The following SASH1 variants were observed in gnomAD, a reference collection of about 807,000 sequenced individuals.
SASH1 encodes SAM and SH3 domain containing 1, also known as SAM and SH3 domain-containing protein 1.
SASH1 carries 44 observed loss-of-function variants against 125.2 expected under a neutral mutation model. The observed-to-expected ratio is 0.35, with a 90% CI of 0.28 to 0.45. The LOEUF is 0.45. SASH1 is among the 20% of genes least tolerant of loss of function. The pLI, the probability that SASH1 is intolerant of heterozygous loss-of-function variation, is 1.00. For synonymous variants in SASH1, 639 were observed against 649.1 expected (o/e 0.98, Z 0.24); for missense variants, 1,426 against 1,614.5 (o/e 0.88, Z 2.00).
intron 1 of SASH1, among the ~76,000 whole-genome samples, chr6:148,388,559 A>G (rs750595021): frequency 4.6e-5 from 7 of 152,222 alleles, no homozygotes; most frequent in Non-Finnish European, 1.0e-4. Context: ...AATGCAGAAC[A>G]TGTTATTGGT....
intron 8 of SASH1, chr6:148,508,557 G>T: frequency 9.5e-7 from 1 of 1,055,346 alleles, no homozygotes; most frequent in Non-Finnish European, 1.1e-6. Context: ...GTGGTGAATA[G>T]GAGATTTGCT....
intron 2 of SASH1, among the ~76,000 whole-genome samples, chr6:148,436,097 C>T (rs913854221): frequency 1.5e-4 from 23 of 152,296 alleles, no homozygotes; most frequent in African/African-American, 4.1e-4. Context: ...CTGGCCACAG[C>T]GATGTCTGCC....
At chr6:148,484,337 G>GAC (rs34073959) in intron 7 of SASH1, among the ~76,000 whole-genome samples, 32,737 of 151,620 alleles carry the variant, frequency 0.22, 4,089 homozygotes, top group African/African-American at 0.36. Context: ...TTTTGCTTAA[G>GAC]ACACACACAC....
At chr6:148,283,900 G>A (rs1479642493) in intron 1 of SASH1, among the ~76,000 whole-genome samples, 1 of 151,130 alleles carries the variant, frequency 6.6e-6, no homozygotes, top group Admixed American at 6.6e-5. Context: ...ACACTGAATT[G>A]TTTAGGGGGA....
At chr6:148,388,994 T>C (rs1056192031) in intron 1 of SASH1, among the ~76,000 whole-genome samples, 1 of 152,076 alleles carries the variant, frequency 6.6e-6, no homozygotes, top group Non-Finnish European at 1.5e-5. Context: ...GGAGAGGTCT[T>C]TCTGAATGAA....
chr6:148,519,458 T>G lies in SASH1; in HGVS notation c.863-89T>G. 1.1e-6 allele frequency: 1 copy of G among 924,558 alleles called. No individual in the cohort carries two copies. The highest frequency in any genetic ancestry group is 1.7e-6 in the Non-Finnish European group (1 of 596,306). The allele number at this position is 924,558 out of a possible 1,614,324, so 57.3% of individuals were successfully genotyped here. On this transcript the variant is annotated intron_variant, in intron 9 of 19. Transcript: ENST00000367467. This position sits in a 1 kb window ranked among gnomAD's most constrained non-coding sequence, Gnocchi z 4.8. The stretch of plus-strand genomic sequence containing the variant: ...GGAGCTGGGTTTATAAAGAGGGTCA[T>G]GATACGGAGAAAGGTGGTGAATGTA...
At chr6:148,222,753 G>GT in the SASH1 span, among the ~76,000 whole-genome samples, 17 of 150,042 alleles carry the variant, frequency 1.1e-4, no homozygotes, top group African/African-American at 3.0e-4. Flanking sequence ...TGTGTTTTAG[G>GT]TTTTTTCCCC....
chr6:148,514,703 GGGAAATGGAAATTTTCTCGA>G (rs138315741), intron 9 of SASH1, among the ~76,000 whole-genome samples: 9,130 of 152,060 alleles, frequency 0.06, 416 homozygotes, highest in East Asian at 0.24. Flanking sequence ...TTTAAAAGAT[GGGAAATGGAAATTTTCTCGA>G]GGTGTAGTAT....
chr6:148,271,471 C>T (rs954504782), upstream of SASH1, among the ~76,000 whole-genome samples: 3 of 152,174 alleles, frequency 2.0e-5, no homozygotes, highest in Non-Finnish European at 4.4e-5. Context: ...CCTAAACTTA[C>T]TTGTGTAGGG....
chr6:148,424,968 A>G (rs973515568), intron 2 of SASH1, among the ~76,000 whole-genome samples: 1 of 152,148 alleles, frequency 6.6e-6, no homozygotes, highest in African/African-American at 2.4e-5. Context: ...AAGTTTGAGA[A>G]CCGCTGACAG....
At chr6:148,216,447 T>A in the SASH1 span, among the ~76,000 whole-genome samples, 3 of 152,206 alleles carry the variant, frequency 2.0e-5, no homozygotes, top group African/African-American at 7.2e-5. Flanking sequence ...GGGAAAAACA[T>A]GAAGCATATT....
chr6:148,530,014 C>T (rs564402813), intron 12 of SASH1, among the ~76,000 whole-genome samples: 1 of 152,160 alleles, frequency 6.6e-6, no homozygotes, highest in Non-Finnish European at 1.5e-5. Context: ...ACTACGTTGG[C>T]CAGGCTGGTC....
chr6:148,442,935 G>A (rs781751907), intron 4 of SASH1, among the ~76,000 whole-genome samples: 42 of 151,614 alleles, frequency 2.8e-4, no homozygotes, highest in African/African-American at 7.3e-4. Context: ...CACCATACCC[G>A]GCTACTATTT....
chr6:148,543,627 T>G, intron 17 of SASH1, 53 bp from the exon 18 acceptor site: 2 of 1,444,450 alleles, frequency 1.4e-6, no homozygotes, highest in Non-Finnish European at 1.9e-6. Context: ...TATGCATCCG[T>G]TTGATTGATT....
chr6:148,286,468 G>A (rs1200014947), intron 1 of SASH1, among the ~76,000 whole-genome samples: 1 of 152,108 alleles, frequency 6.6e-6, no homozygotes, highest in African/African-American at 2.4e-5. Flanking sequence ...ACAAACTGGG[G>A]TGGTGGAGTG....
intron 1 of SASH1, among the ~76,000 whole-genome samples, chr6:148,333,464 G>A (rs1182811114): frequency 6.6e-6 from 1 of 152,146 alleles, no homozygotes; most frequent in Non-Finnish European, 1.5e-5. Context: ...TTGAGGTGGG[G>A]CCGGGAAATT....
At chr6:148,481,095 T>C (rs1403326314) in intron 7 of SASH1, among the ~76,000 whole-genome samples, 2 of 148,206 alleles carry the variant, frequency 1.3e-5, no homozygotes, top group African/African-American at 2.4e-5. Context: ...CTCAGAGGTA[T>C]TGCAGGTTTG....
chr6:148,527,423 C>G (rs751476667), intron 11 of SASH1, 30 bp from the exon 12 acceptor site: 7 of 1,540,098 alleles, frequency 4.5e-6, no homozygotes, highest in Non-Finnish European at 6.1e-6. Flanking sequence ...TTTCTGCGAC[C>G]AACAATACTT....
intron 4 of SASH1, among the ~76,000 whole-genome samples, chr6:148,456,814 A>T (rs1012377161): frequency 1.3e-5 from 2 of 151,484 alleles, no homozygotes; most frequent in Admixed American, 1.3e-4. Context: ...GCAGTGAGCT[A>T]TAATCACATC....
Sources: allele counts gnomAD v4.1 joint callset (sites outside exome capture counted in the v4.1 genomes callset), GRCh38; gene constraint gnomAD v4.1.1; non-coding constraint Gnocchi (gnomAD v3.1); transcripts MANE v1.5; gene names NCBI Gene and HGNC (gene_info 2026-07-23, HGNC 2026-07-21).